NOX4: variants seen among roughly 807,000 people sequenced by gnomAD.
NOX4 encodes the protein NADPH oxidase 4, also known as kidney oxidase-1.
In NOX4, 69 loss-of-function variants were observed where a neutral mutation model predicts 87.6. The observed-to-expected ratio is 0.79, with a 90% CI of 0.65 to 0.96. NOX4 has a LOEUF of 0.96. Ranked by LOEUF, NOX4 falls within the 40% of genes least tolerant of loss-of-function variation. The pLI is 0.00. For missense variants in NOX4, 680 were observed against 681.5 expected (o/e 1.00, Z 0.02); for synonymous variants, 275 against 238.2 (o/e 1.15, Z -1.42).
At chr11:89,330,777 T>C (rs1336756437) in intron 17 of NOX4, among the ~76,000 whole-genome samples, 1 of 151,996 alleles carries the variant, frequency 6.6e-6, no homozygotes, top group Non-Finnish European at 1.5e-5. Context: ...AACTGCTAGA[T>C]TTAAAGCCAA....
the NOX4 span, among the ~76,000 whole-genome samples, chr11:89,585,159 T>A: frequency 6.6e-6 from 1 of 152,252 alleles, no homozygotes; most frequent in Admixed American, 6.5e-5. Flanking sequence ...TCATTAGGCC[T>A]CTTTAGTTAT....
chr11:89,512,675 G>A, the NOX4 span, among the ~76,000 whole-genome samples: 1 of 151,966 alleles, frequency 6.6e-6, no homozygotes, highest in Admixed American at 6.6e-5. Flanking sequence ...TCTGTCTATG[G>A]TCATTTAGGT....
At chr11:89,548,929 A>C in the NOX4 span, 5 of 152,266 alleles carry the variant, frequency 3.3e-5, no homozygotes, top group Admixed American at 6.5e-5. Context: ...ATTCAACCAA[A>C]GTTTCATTCC....
chr11:89,409,930 C>A (rs1332096143), intron 8 of NOX4, among the ~76,000 whole-genome samples: 1 of 151,924 alleles, frequency 6.6e-6, no homozygotes, highest in Non-Finnish European at 1.5e-5. Context: ...TAAAACAAAT[C>A]AGGAGAGCTG....
chr11:89,441,189 A>G (rs1205095703), intron 5 of NOX4, among the ~76,000 whole-genome samples: 1 of 152,208 alleles, frequency 6.6e-6, no homozygotes, highest in African/African-American at 2.4e-5. Context: ...AGACTAATTG[A>G]GAGCTTTCTG....
At chr11:89,492,821 G>T (rs952776096), upstream of NOX4, among the ~76,000 whole-genome samples, 1 of 152,120 alleles carries the variant, frequency 6.6e-6, no homozygotes, top group African/African-American at 2.4e-5. Context: ...CAATAGATGG[G>T]GGCAGGAGGT....
intron 8 of NOX4, among the ~76,000 whole-genome samples, chr11:89,418,483 G>A (rs1012625465): frequency 2.0e-5 from 3 of 149,652 alleles, no homozygotes; most frequent in African/African-American, 7.3e-5. Context: ...GTTGTTAGGA[G>A]GATTTAATGA....
chr11:89,490,484 A>ACT lies in NOX4; in HGVS notation c.125_126dup (p.Tyr43SerfsTer11). 3 of 1,613,700 alleles carry ACT rather than the reference A, an allele frequency of 1.9e-6. No homozygotes were observed. Among genetic ancestry groups the ACT allele is most frequent in the Non-Finnish European group, 2.5e-6 (3 of 1,179,644 alleles). On this transcript the variant is annotated frameshift_variant, in exon 2 of 18. Coordinates refer to ENST00000263317, the MANE Select transcript of NOX4 (RefSeq NM_016931.5). LOFTEE classifies it high-confidence loss of function. ...CCCAACATCTGGTGGAGGTAGTGAT[A>ACT]CTCTGGCCCTTGGTTATACAGCAAG...
rs71052233 is a variant in NOX4 at position 89,467,349 on chromosome 11, CAAAAAAAAAAAA to C, written c.154-15466_154-15455del. The stretch of plus-strand genomic sequence containing the variant: ...CTGGGCGACAGAGCCAAACTCGTCA[CAAAAAAAAAAAA>C]AAAAAAAAAAAAAAAATTTGTCTTT... On this transcript the variant is annotated intron_variant, in intron 2 of 17. Coordinates refer to ENST00000263317, the MANE Select transcript of NOX4 (RefSeq NM_016931.5). Among the ~76,000 whole-genome samples, 219 of 61,478 alleles carry C rather than the reference CAAAAAAAAAAAA, an allele frequency of 3.6e-3. 1 individual carries two copies. Among genetic ancestry groups the C allele is most frequent in the Non-Finnish European group, 5.4e-3 (171 of 31,502 alleles). The allele number at this position is 61,478 out of a possible 152,430, so 40.3% of individuals were successfully genotyped here. A position where few individuals can be genotyped will look rare whatever the true frequency, so the allele number is the denominator to read the frequency against.
intron 17 of NOX4, among the ~76,000 whole-genome samples, chr11:89,335,009 G>A (rs12802081): frequency 0.016 from 2,386 of 151,786 alleles, 73 homozygotes; most frequent in African/African-American, 0.053. Context: ...TCATCTAGCT[G>A]TATTTATATT....
intron 8 of NOX4, among the ~76,000 whole-genome samples, chr11:89,414,917 C>T (rs1942678698): frequency 6.6e-6 from 1 of 151,848 alleles, no homozygotes; most frequent in African/African-American, 2.4e-5. Flanking sequence ...TTTTACAATA[C>T]ATAAATATTT....
chr11:89,562,935 T>G, the NOX4 span, among the ~76,000 whole-genome samples: 4 of 152,136 alleles, frequency 2.6e-5, no homozygotes, highest in Non-Finnish European at 5.9e-5. Flanking sequence ...GCTGTTCTCC[T>G]GATAGTGAGT....
At chr11:89,458,047 GA>G (rs143437049) in intron 2 of NOX4, among the ~76,000 whole-genome samples, 6,713 of 151,916 alleles carry the variant, frequency 0.044, 451 homozygotes, top group African/African-American at 0.15. Context: ...CACAGAATTA[GA>G]AAAAAAACTA....
the NOX4 span, among the ~76,000 whole-genome samples, chr11:89,561,803 A>C: frequency 6.6e-6 from 1 of 152,164 alleles, no homozygotes; most frequent in Non-Finnish European, 1.5e-5. Context: ...AGAATGTCAG[A>C]TGGCAATAAA....
intron 7 of NOX4, among the ~76,000 whole-genome samples, chr11:89,429,209 A>C (rs1028813380): frequency 2.0e-5 from 3 of 152,228 alleles, no homozygotes; most frequent in African/African-American, 7.2e-5. Context: ...CATTTAAAGC[A>C]GTGTGTAGAG....
At chr11:89,417,737 A>T (rs1942862615) in intron 8 of NOX4, among the ~76,000 whole-genome samples, 1 of 152,118 alleles carries the variant, frequency 6.6e-6, no homozygotes, top group Non-Finnish European at 1.5e-5. Flanking sequence ...AAGTATTGGT[A>T]CTAGTATAAT....
upstream of NOX4, among the ~76,000 whole-genome samples, chr11:89,502,035 G>C (rs1445263340): frequency 1.3e-5 from 2 of 152,030 alleles, no homozygotes; most frequent in Non-Finnish European, 2.9e-5. Flanking sequence ...GCCACTTCCA[G>C]ACCTGAAAGA....
the NOX4 span, chr11:89,577,432 T>C: frequency 6.6e-6 from 1 of 152,254 alleles, no homozygotes; most frequent in Non-Finnish European, 1.5e-5. Context: ...AGATAAAGGA[T>C]TTAGGTAAGG....
intron 13 of NOX4, 138 bp from the exon 14 acceptor site, chr11:89,342,331 A>T (rs1946042206): frequency 1.5e-6 from 1 of 668,994 alleles, no homozygotes; most frequent in Non-Finnish European, 2.5e-6. Flanking sequence ...TCTCATAGTG[A>T]TTAGCCTAAA....
Sources: gnomAD v4.1 joint callset for allele counts (sites outside exome capture counted in the v4.1 genomes callset) on GRCh38, gnomAD v4.1.1 for gene constraint, MANE v1.5 for transcripts, NCBI Gene and HGNC (gene_info 2026-07-23, HGNC 2026-07-21) for gene names.